Variants in CEP290 observed in about 807,000 individuals in gnomAD.
The protein encoded by CEP290 is centrosomal protein 290.
In CEP290, 317 loss-of-function variants were observed where a neutral mutation model predicts 344.9. That is an observed-to-expected ratio of 0.92 (90% CI 0.84 to 1.01). The LOEUF is 1.01. Among genes scored for constraint, CEP290 ranks in the 50% least tolerant of loss-of-function variants. The pLI is 0.00. For missense variants in CEP290, 2,754 were observed against 2,761.4 expected (o/e 1.00, Z 0.06); for synonymous variants, 932 against 895.8 (o/e 1.04, Z -0.72).
At chr12:88,113,909 A>G (rs2038875481) in intron 20 of CEP290, among the ~76,000 whole-genome samples, 1 of 152,090 alleles carries the variant, frequency 6.6e-6, no homozygotes, top group Non-Finnish European at 1.5e-5. Context: ...GATGTTCTAG[A>G]AAATGAACAA....
At chr12:88,130,211 T>C (rs2039980030) in intron 9 of CEP290, 57 bp downstream of exon 9, 1 of 1,435,898 alleles carries the variant, frequency 7.0e-7, no homozygotes, top group Non-Finnish European at 9.5e-7. Context: ...ATTTACATTG[T>C]AATGAAATTA....
chr12:88,077,861 T>A lies in CEP290; in HGVS notation c.5422A>T (p.Ser1808Cys). The A allele has an allele frequency of 6.9e-7, 1 of 1,444,310 alleles. No homozygotes were observed. The allele number at this position is 1,444,310 out of a possible 1,614,324, so 89.5% of individuals were successfully genotyped here. ...GTTAGTGAGTTTTCTCTGTTTTTAC[T>A]TGTTTTAAGTGCTTCTTTCAATTTT... ...LLKLKEALKT[S>C]KNRENSLTDN... Residue 1808 changes from serine to cysteine, a missense_variant, in exon 40 of 54, where the codon AGT becomes TGT. Ser to Cys is a moderately radical substitution (Grantham distance 112, BLOSUM62 -1). Coordinates refer to ENST00000552810, the MANE Select transcript of CEP290 (RefSeq NM_025114.4).
intron 20 of CEP290, among the ~76,000 whole-genome samples, chr12:88,113,883 GA>G (rs568647025): frequency 1.3e-5 from 2 of 151,400 alleles, no homozygotes; most frequent in Non-Finnish European, 3.0e-5. Flanking sequence ...AAAAATGAAT[GA>G]AAAAAAACTA....
At chr12:88,087,075 G>A (rs897326990) in intron 32 of CEP290, among the ~76,000 whole-genome samples, 1 of 152,132 alleles carries the variant, frequency 6.6e-6, no homozygotes, top group Non-Finnish European at 1.5e-5. Flanking sequence ...GGTATCTAGG[G>A]TAAGAACAAT....
chr12:88,083,773 A>G lies in CEP290; in HGVS notation c.4812+74T>C, dbSNP rs2036364570. Reference sequence around the variant, plus strand: ...AAAAGGGTAACTTCCATTCCAAAAAAGAAGAGAGCTGAATTTTAATTTACA... The same window carrying G: ...AAAAGGGTAACTTCCATTCCAAAAAGGAAGAGAGCTGAATTTTAATTTACA... On this transcript the variant is annotated intron_variant, in intron 36 of 53. Transcript: ENST00000552810. 3.0e-5 allele frequency: 29 copies of G among 964,594 alleles called. No homozygotes were observed. In the South Asian group the frequency reaches 4.5e-4, roughly 15 times the overall value. 59.8% of individuals were successfully genotyped at this position (964,594 alleles called of 1,614,324 possible). A position where few individuals can be genotyped will look rare whatever the true frequency, so the allele number is the denominator to read the frequency against.
intron 41 of CEP290, among the ~76,000 whole-genome samples, chr12:88,072,422 T>C (rs1186013395): frequency 6.6e-6 from 1 of 152,160 alleles, no homozygotes; most frequent in Non-Finnish European, 1.5e-5. Context: ...GTTCAACCTG[T>C]ATAACTCCTA....
chr12:88,068,540 A>G lies in CEP290; in HGVS notation c.6117T>C (p.Asp2039=). The G allele has an allele frequency of 6.4e-7, 1 of 1,561,286 alleles. No individual in the cohort carries two copies. Among genetic ancestry groups the G allele is most frequent in the Non-Finnish European group, 8.7e-7 (1 of 1,152,146 alleles). The change falls in exon 44 of 54, where the codon GAT becomes GAC. Residue 2039 remains aspartate, a synonymous_variant. Transcript: ENST00000552810. ...CACTTACTGAAGGCTTAGAATATGT[A>G]TCCTTTGAAAACTGTTTTTCTAAAG... ...LHALEKQFSK[D]TYSKPSISGI... is the part of the protein sequence containing the mutation.
At chr12:88,088,987 C>G in intron 31 of CEP290, 45 bp downstream of exon 31, 1 of 1,369,716 alleles carries the variant, frequency 7.3e-7, no homozygotes, top group Non-Finnish European at 9.8e-7. Flanking sequence ...GGAAACAGAT[C>G]AAGATACTGT....
At chr12:88,133,339 G>A (rs548652200) in intron 6 of CEP290, among the ~76,000 whole-genome samples, 5 of 151,944 alleles carry the variant, frequency 3.3e-5, no homozygotes, top group Middle Eastern at 3.4e-3. Flanking sequence ...TGCCTGCCTC[G>A]GCCTCCCAAA....
In CEP290 at chr12:88,131,228, TAAA is replaced by T. The variant is rs199511358; in HGVS notation, c.442-13_442-11del. 8 of 1,123,140 alleles carry T rather than the reference TAAA, an allele frequency of 7.1e-6. No homozygotes were observed. The highest frequency in any genetic ancestry group is 3.6e-5 in the South Asian group (2 of 55,646). The allele number at this position is 1,123,140 out of a possible 1,614,324, so 69.6% of individuals were successfully genotyped here. A position where few individuals can be genotyped will look rare whatever the true frequency, so the allele number is the denominator to read the frequency against. On this transcript the variant is annotated splice_polypyrimidine_tract_variant and intron_variant, in intron 6 of 53. Coordinates refer to ENST00000552810, the MANE Select transcript of CEP290 (RefSeq NM_025114.4). ...CATTTCGAAGAGCCAACTAAAATAG[TAAA>T]AAAAAAAAATAAATAAGAAGAAGAT...
At chr12:88,095,765 T>C (rs1446921092) in intron 27 of CEP290, among the ~76,000 whole-genome samples, 3 of 152,164 alleles carry the variant, frequency 2.0e-5, no homozygotes, top group East Asian at 1.9e-4. Context: ...AAATACATTA[T>C]CGAAAGCAGC....
chr12:88,064,509 T>C (rs2034745190), intron 44 of CEP290, among the ~76,000 whole-genome samples: 1 of 152,146 alleles, frequency 6.6e-6, no homozygotes, highest in Admixed American at 6.5e-5. Context: ...AGTCATAATT[T>C]CCAGTACCTC....
intron 17 of CEP290, among the ~76,000 whole-genome samples, 199 bp downstream of exon 17, chr12:88,118,284 G>T (rs1312722418): frequency 6.6e-6 from 1 of 151,298 alleles, no homozygotes; most frequent in Non-Finnish European, 1.5e-5. Context: ...ATTTTGTTTT[G>T]TTTTGTTTTT....
chr12:88,136,284 T>C (rs2040350551), intron 6 of CEP290: 1 of 217,316 alleles, frequency 4.6e-6, no homozygotes. Flanking sequence ...AATGAACAAA[T>C]ATAACTTTTA....
chr12:88,107,425 C>T (rs1475162200), intron 23 of CEP290, among the ~76,000 whole-genome samples: 2 of 151,826 alleles, frequency 1.3e-5, no homozygotes, highest in African/African-American at 4.8e-5. Context: ...AAATAATACC[C>T]TATACTAATT....
At chr12:88,124,806 T>C (rs1281428103) in intron 13 of CEP290, among the ~76,000 whole-genome samples, 1 of 151,974 alleles carries the variant, frequency 6.6e-6, no homozygotes, top group Non-Finnish European at 1.5e-5. Flanking sequence ...TTTGATGTGT[T>C]AAAAAAGGTA....
Position 88,118,777 on chromosome 12 carries a change from A to G in CEP290, c.1523-34T>C, listed in dbSNP as rs1407767293. Reference sequence around the variant, plus strand: ...GAAAGCAATATAATTAAAAACTTAAAAACATTCAAATAAGCTGCAAAAATG... The same window carrying G: ...GAAAGCAATATAATTAAAAACTTAAGAACATTCAAATAAGCTGCAAAAATG... On this transcript the variant is annotated intron_variant, in intron 15 of 53. Coordinates refer to ENST00000552810, the MANE Select transcript of CEP290 (RefSeq NM_025114.4). The G allele has an allele frequency of 2.0e-6, 3 of 1,490,550 alleles. No individual in the cohort carries two copies. The East Asian group carries it at 6.8e-5, about 34-fold the overall frequency. 92.3% of individuals were successfully genotyped at this position (1,490,550 alleles called of 1,614,324 possible).
chr12:88,098,710 T>G (rs977430191), intron 26 of CEP290, among the ~76,000 whole-genome samples: 2 of 152,194 alleles, frequency 1.3e-5, no homozygotes, highest in Non-Finnish European at 2.9e-5. Flanking sequence ...AAGGATGTCT[T>G]AACCACCAAA....
intron 27 of CEP290, among the ~76,000 whole-genome samples, chr12:88,094,229 A>T (rs2037264608): frequency 6.6e-6 from 1 of 152,082 alleles, no homozygotes; most frequent in African/African-American, 2.4e-5. Flanking sequence ...TCCTCACAGA[A>T]TTGTGGAACT....
Sources: allele counts gnomAD v4.1 joint callset (sites outside exome capture counted in the v4.1 genomes callset), GRCh38; gene constraint gnomAD v4.1.1; transcripts MANE v1.5; gene names NCBI Gene and HGNC (gene_info 2026-07-23, HGNC 2026-07-21).